CYP20A1: variants seen among roughly 807,000 people sequenced by gnomAD.
The protein encoded by CYP20A1 is cytochrome P450 20A1.
Under a neutral mutation model 61.4 loss-of-function variants are expected in CYP20A1, and 61 were observed. That is an observed-to-expected ratio of 0.99 (90% CI 0.81 to 1.23). CYP20A1 has a LOEUF of 1.23. CYP20A1 is among the 50% of genes most tolerant of loss of function. CYP20A1 has a pLI of 0.00. For synonymous variants in CYP20A1, 193 were observed against 188.2 expected (o/e 1.03, Z -0.21); for missense variants, 530 against 542.4 (o/e 0.98, Z 0.23).
chr2:203,277,458 TG>T (rs373759964), intron 6 of CYP20A1, among the ~76,000 whole-genome samples: 2 of 152,182 alleles, frequency 1.3e-5, no homozygotes, highest in Admixed American at 6.5e-5. Flanking sequence ...TATAATTTTA[TG>T]GGCCATTGGA....
At chr2:203,285,497 G>C in intron 8 of CYP20A1, 115 bp from the exon 9 acceptor site, 1 of 1,182,632 alleles carries the variant, frequency 8.5e-7, no homozygotes, top group South Asian at 2.1e-5. Context: ...TCTATATCAT[G>C]GGAGAAAAAA....
chr2:203,269,746 G>A (rs995031766), intron 5 of CYP20A1, among the ~76,000 whole-genome samples: 1 of 151,496 alleles, frequency 6.6e-6, no homozygotes, highest in Admixed American at 6.6e-5. Context: ...CACCTGCCTC[G>A]GCCTCCCAAA....
chr2:203,287,729 T>A (rs967185439), intron 9 of CYP20A1, among the ~76,000 whole-genome samples: 1 of 152,074 alleles, frequency 6.6e-6, no homozygotes, highest in Non-Finnish European at 1.5e-5. Context: ...AAATAATTTT[T>A]AAAAGTTTAA....
Position 203,305,705 on chromosome 2 carries a change from T to C in CYP20A1, c.*8797T>C, listed in dbSNP as rs976927938. ...GGTATGAAATGAAATTTTGTTACTT[T>C]ACCATTGTAACTATGTCATAAAGTC... is the stretch of plus-strand genomic sequence containing the variant. On this transcript the variant is annotated 3_prime_UTR_variant, in exon 13 of 13. Transcript: ENST00000356079. 9 of 152,224 alleles carry C rather than the reference T, an allele frequency of 5.9e-5. No individual in the cohort carries two copies. The highest frequency in any genetic ancestry group is 2.2e-4 in the African/African-American group (9 of 41,452). 9.4% of individuals were successfully genotyped at this position (152,224 alleles called of 1,614,324 possible).
At chr2:203,251,628 G>A (rs888709569) in intron 3 of CYP20A1, among the ~76,000 whole-genome samples, 22 of 150,212 alleles carry the variant, frequency 1.5e-4, no homozygotes, top group African/African-American at 4.9e-4. Context: ...AATTAGCCAG[G>A]AGTGTTGGCA....
At chr2:203,291,279 C>T (rs1362941575) in intron 10 of CYP20A1, among the ~76,000 whole-genome samples, 1 of 152,144 alleles carries the variant, frequency 6.6e-6, no homozygotes, top group African/African-American at 2.4e-5. Flanking sequence ...TCAAGTGATC[C>T]TCCTACCTCA....
At chr2:203,269,279 A>T (rs934847760) in intron 5 of CYP20A1, among the ~76,000 whole-genome samples, 3 of 125,286 alleles carry the variant, frequency 2.4e-5, no homozygotes. Context: ...CCTGTCTCCA[A>T]TTTTTTTTTT....
intron 7 of CYP20A1, 62 bp downstream of exon 7, chr2:203,278,750 C>T (rs1413774113): frequency 3.4e-6 from 3 of 872,386 alleles, no homozygotes; most frequent in East Asian, 2.7e-5. Flanking sequence ...CACAATGGCT[C>T]ATGACTGTAG....
rs577413360 is a variant in CYP20A1 at position 203,288,181 on chromosome 2, G to A, written c.972-1584G>A. ...CCTGGGTTCAAACGATTCTCATGCC[G>A]CAGCTTTCCAAGTAGTTGGAATTAC... On this transcript the variant is annotated intron_variant, in intron 9 of 12. Coordinates refer to ENST00000356079, the MANE Select transcript of CYP20A1 (RefSeq NM_177538.3). 1.2e-4 allele frequency among the ~76,000 whole-genome samples: 17 copies of A among 145,564 alleles called. 1 individual carries two copies. In the South Asian group the frequency reaches 2.5e-3, roughly 22 times the overall value.
intron 11 of CYP20A1, among the ~76,000 whole-genome samples, chr2:203,294,941 ATTTTTTTTTTTTTT>A (rs1167546590): frequency 4.4e-5 from 2 of 45,470 alleles, no homozygotes; most frequent in Non-Finnish European, 7.9e-5. Flanking sequence ...CTTTAAAAAA[ATTTTTTTTTTTTTT>A]TTTTTTTTTT....
intron 7 of CYP20A1, among the ~76,000 whole-genome samples, chr2:203,279,271 G>A (rs1032628336): frequency 5.3e-5 from 8 of 152,058 alleles, no homozygotes; most frequent in African/African-American, 9.7e-5. Context: ...CAGCTGCATC[G>A]TACATCTTTT....
intron 4 of CYP20A1, among the ~76,000 whole-genome samples, chr2:203,252,721 CCT>C (rs1317104385): frequency 6.6e-6 from 1 of 152,046 alleles, no homozygotes; most frequent in Non-Finnish European, 1.5e-5. Flanking sequence ...TCCCACTACA[CCT>C]CTGAGCTGTA....
rs1297460923 is a variant in CYP20A1, at chr2:203,302,252, C to T, written c.*5344C>T. ...CCACTGTTAAGATTCTAATGTAGGC[C>T]GGGCACAGTGACTCATGCCTATAAC... On this transcript the variant is annotated 3_prime_UTR_variant, in exon 13 of 13. Transcript: ENST00000356079. Among the ~76,000 whole-genome samples, 5 of 152,094 alleles carry T rather than the reference C, an allele frequency of 3.3e-5. No individual in the cohort carries two copies. The highest frequency in any genetic ancestry group is 7.4e-5 in the Non-Finnish European group (5 of 68,004).
chr2:203,250,847 G>A (rs1029102807), intron 3 of CYP20A1, among the ~76,000 whole-genome samples: 3 of 151,796 alleles, frequency 2.0e-5, no homozygotes, highest in East Asian at 1.9e-4. Context: ...GGCGGATCAC[G>A]AGGTCAGGAG....
intron 8 of CYP20A1, among the ~76,000 whole-genome samples, 177 bp downstream of exon 8, chr2:203,280,290 G>C (rs1042280180): frequency 3.3e-5 from 5 of 152,116 alleles, no homozygotes; most frequent in African/African-American, 1.2e-4. Context: ...TAAGTTAACT[G>C]AGCATGATGG....
intron 6 of CYP20A1, among the ~76,000 whole-genome samples, chr2:203,276,700 G>A (rs1484488369): frequency 1.3e-5 from 2 of 152,158 alleles, no homozygotes; most frequent in Non-Finnish European, 2.9e-5. Context: ...TTGGGGGAAA[G>A]CTCAAGAGTT....
rs186703101 is a variant in CYP20A1 at position 203,301,090 on chromosome 2, G to A, written c.*4182G>A. Among the ~76,000 whole-genome samples, 2 of 150,684 alleles carry A rather than the reference G, an allele frequency of 1.3e-5. No homozygotes were observed. The highest frequency in any genetic ancestry group is 2.0e-4 in the East Asian group (1 of 5,120). On this transcript the variant is annotated 3_prime_UTR_variant, in exon 13 of 13. Coordinates refer to ENST00000356079, the MANE Select transcript of CYP20A1 (RefSeq NM_177538.3). ...ACATGCCTTTAATCCCAGCTACTGGGGAGGCTGAAACAGGAGAATCGCTTG... is the reference window on the plus strand; with the variant it reads ...ACATGCCTTTAATCCCAGCTACTGGAGAGGCTGAAACAGGAGAATCGCTTG...
At chr2:203,245,812 G>A (rs2066440968) in intron 1 of CYP20A1, 34 bp from the exon 2 acceptor site, 3 of 1,399,766 alleles carry the variant, frequency 2.1e-6, no homozygotes, top group Non-Finnish European at 3.0e-6. Flanking sequence ...TGGGATATAT[G>A]ATAATTCATT....
chr2:203,269,313 T>C (rs2067464124), intron 5 of CYP20A1, among the ~76,000 whole-genome samples: 1 of 142,142 alleles, frequency 7.0e-6, no homozygotes, highest in Non-Finnish European at 1.5e-5. Context: ...ATTAGTGAAG[T>C]GTGGTGGCAT....
Sources: allele counts gnomAD v4.1 joint callset (sites outside exome capture counted in the v4.1 genomes callset), GRCh38; gene constraint gnomAD v4.1.1; transcripts MANE v1.5; gene names NCBI Gene and HGNC (gene_info 2026-07-23, HGNC 2026-07-21).